Variants in ZNF516 observed in about 807,000 individuals in gnomAD.
The protein encoded by ZNF516 is zinc finger protein 516.
A neutral mutation model predicts 79.7 loss-of-function variants in ZNF516; 19 were observed. The ratio of observed to expected loss-of-function variants is 0.24; its 90% CI spans 0.17 to 0.35. The LOEUF (loss-of-function observed/expected upper bound fraction) is 0.35, where lower values mean the gene tolerates loss of function less well. Among genes scored for constraint, ZNF516 ranks in the 10% least tolerant of loss-of-function variants. The pLI is 1.00. For synonymous variants in ZNF516, 877 were observed against 739.5 expected, an observed-to-expected ratio of 1.19 and a Z score of -3.02; for missense variants, 1,678 against 1,679.5, an observed-to-expected ratio of 1.00 and a Z score of 0.02.
chr18:76,369,257 A>G (rs1419558056), intron 6 of ZNF516, among the ~76,000 whole-genome samples: 3 of 152,308 alleles, frequency 2.0e-5, no homozygotes, highest in Admixed American at 2.0e-4. Flanking sequence ...TGTTTTACTT[A>G]CTTATTTCGT....
chr18:76,462,693 T>A (rs1342538233), intron 2 of ZNF516, among the ~76,000 whole-genome samples: 1 of 152,094 alleles, frequency 6.6e-6, no homozygotes, highest in Non-Finnish European at 1.5e-5. Context: ...CTCGAGCCAA[T>A]AGTTTTCCAG....
chr18:76,387,103 G>C (rs73974456), intron 3 of ZNF516: 1 of 152,350 alleles, frequency 6.6e-6, no homozygotes, highest in Non-Finnish European at 1.5e-5. Context: ...CGTCATCCAT[G>C]TGGACTCTGC....
chr18:76,450,607 T>C (rs1354422546), intron 2 of ZNF516, among the ~76,000 whole-genome samples: 2 of 152,140 alleles, frequency 1.3e-5, no homozygotes, highest in Non-Finnish European at 2.9e-5. Flanking sequence ...ACACGAACTC[T>C]CCCGAACATC....
chr18:76,380,481 G>C (rs537853635), intron 3 of ZNF516, among the ~76,000 whole-genome samples, 178 bp from the exon 4 acceptor site: 3 of 152,192 alleles, frequency 2.0e-5, no homozygotes, highest in African/African-American at 7.2e-5. Flanking sequence ...AGAACAAAAG[G>C]GGGTGAGTCA....
chr18:76,435,141 G>A (rs1409920688), intron 3 of ZNF516, among the ~76,000 whole-genome samples: 2 of 151,838 alleles, frequency 1.3e-5, no homozygotes, highest in Admixed American at 6.6e-5. Context: ...AGTTAAAAGA[G>A]AGAGAGAAGA....
chr18:76,473,355 C>CAAAAAAAA (rs35092154), intron 1 of ZNF516, among the ~76,000 whole-genome samples: 2 of 87,674 alleles, frequency 2.3e-5, no homozygotes, highest in Non-Finnish European at 4.3e-5. Context: ...TTGCTCTCTG[C>CAAAAAAAA]AAAAAAAAAA....
At chr18:76,368,268 A>G (rs946370151) in intron 6 of ZNF516, among the ~76,000 whole-genome samples, 6 of 152,118 alleles carry the variant, frequency 3.9e-5, no homozygotes, top group Non-Finnish European at 8.8e-5. Flanking sequence ...CTACCCAACA[A>G]ATCTCTATAG....
At chr18:76,390,385 G>GGTTTA (rs2075053629) in intron 3 of ZNF516, among the ~76,000 whole-genome samples, 1 of 152,198 alleles carries the variant, frequency 6.6e-6, no homozygotes, top group Admixed American at 6.5e-5. Context: ...CCTGTGTCAG[G>GGTTTA]GTTTACACCA....
chr18:76,410,365 G>T (rs1243266282), intron 3 of ZNF516, among the ~76,000 whole-genome samples: 1 of 152,340 alleles, frequency 6.6e-6, no homozygotes, highest in Non-Finnish European at 1.5e-5. Context: ...AAGGTCTCAA[G>T]AAGCGGTTTT....
chr18:76,397,835 G>C (rs983554948), intron 3 of ZNF516, among the ~76,000 whole-genome samples: 1 of 152,170 alleles, frequency 6.6e-6, no homozygotes, highest in Non-Finnish European at 1.5e-5. Context: ...CTGGGCTCAA[G>C]TGATCCTCCC....
chr18:76,428,819 G>A (rs1049286539), intron 3 of ZNF516, among the ~76,000 whole-genome samples: 7 of 152,226 alleles, frequency 4.6e-5, no homozygotes, highest in Non-Finnish European at 1.5e-5. Flanking sequence ...CCTCACCATC[G>A]GGATTTCTTT....
At chr18:76,413,431 A>G (rs778581522) in intron 3 of ZNF516, among the ~76,000 whole-genome samples, 16 of 152,164 alleles carry the variant, frequency 1.1e-4, no homozygotes, top group African/African-American at 1.4e-4. Flanking sequence ...TGTTCAATCA[A>G]TCAATCGATA....
rs1231035833 is a variant in ZNF516, at chr18:76,370,549, G to A, written c.3411C>T (p.Thr1137=). 6 of 1,608,368 alleles carry A rather than the reference G, an allele frequency of 3.7e-6. No homozygotes were observed. The highest frequency in any genetic ancestry group is 1.3e-5 in the African/African-American group (1 of 74,780). Residue 1137 remains threonine (T), a synonymous_variant, in exon 6 of 7, where the codon ACC becomes ACT. Coordinates refer to ENST00000443185, the MANE Select transcript of ZNF516 (RefSeq NM_014643.4). ...DGPRGSEVHT[T]SADAPKQGRD... ...CTACTTGTTTGGGGGCGTCTGCGGA[G>A]GTGGTATGAACTTCAGAACCCCGAG... is the stretch of plus-strand genomic sequence containing the variant.
rs777545872 is a variant in ZNF516, at chr18:76,492,988, TCA to T, written c.-272+2154_-272+2155del. 5.8e-5 allele frequency: 57 copies of T among 985,324 alleles called. 1 individual carries two copies. Among genetic ancestry groups the T allele is most frequent in the African/African-American group, 4.2e-4 (24 of 57,204 alleles). 61.0% of individuals were successfully genotyped at this position (985,324 alleles called of 1,614,324 possible). A position where few individuals can be genotyped will look rare whatever the true frequency, so the allele number is the denominator to read the frequency against. ...GGCTCATGCACGCGCACGCGCGCGCTCACACACACACCCCAAATTACCTCCGG... is the reference window on the plus strand; with the variant it reads ...GGCTCATGCACGCGCACGCGCGCGCTCACACACACCCCAAATTACCTCCGG... On this transcript the variant is annotated intron_variant, in intron 1 of 6. Coordinates refer to ENST00000443185, the MANE Select transcript of ZNF516 (RefSeq NM_014643.4).
At chr18:76,408,078 T>C (rs2075325897) in intron 3 of ZNF516, among the ~76,000 whole-genome samples, 2 of 152,106 alleles carry the variant, frequency 1.3e-5, no homozygotes, top group Admixed American at 6.5e-5. Context: ...TCCCATATGG[T>C]TCATGGGATG....
In ZNF516 at chr18:76,371,643, G is replaced by C; in HGVS notation, c.3260-72C>G. 2 of 1,261,104 alleles carry C rather than the reference G, an allele frequency of 1.6e-6. No homozygotes were observed. Among genetic ancestry groups the C allele is most frequent in the Non-Finnish European group, 2.3e-6 (2 of 884,970 alleles). 78.1% of individuals were successfully genotyped at this position (1,261,104 alleles called of 1,614,324 possible). On this transcript the variant is annotated intron_variant, in intron 4 of 6. Coordinates refer to ENST00000443185, the MANE Select transcript of ZNF516 (RefSeq NM_014643.4). Reference sequence around the variant, plus strand: ...CGTGGAGGTGAGGAGGCAGGAGAGCGAGGGGGAAGCGAGAGGAAAACATCA... The same window carrying C: ...CGTGGAGGTGAGGAGGCAGGAGAGCCAGGGGGAAGCGAGAGGAAAACATCA...
chr18:76,382,273 A>T (rs1458924929), intron 3 of ZNF516, among the ~76,000 whole-genome samples: 1 of 152,216 alleles, frequency 6.6e-6, no homozygotes, highest in Non-Finnish European at 1.5e-5. Flanking sequence ...ACGGATAAAA[A>T]CATGGAATTA....
chr18:76,378,804 G>A (rs2074832955), intron 4 of ZNF516, 51 bp downstream of exon 4: 1 of 1,572,596 alleles, frequency 6.4e-7, no homozygotes, highest in Non-Finnish European at 8.6e-7. Context: ...CTCCGGGGGT[G>A]GTTCTGGGGG....
intron 3 of ZNF516, among the ~76,000 whole-genome samples, chr18:76,402,033 G>C (rs981141920): frequency 6.6e-6 from 1 of 152,020 alleles, no homozygotes; most frequent in African/African-American, 2.4e-5. Flanking sequence ...GTGCGCGCAT[G>C]TGTGCACGTG....
Sources: gnomAD v4.1 joint callset for allele counts (sites outside exome capture counted in the v4.1 genomes callset) on GRCh38, gnomAD v4.1.1 for gene constraint, MANE v1.5 for transcripts, NCBI Gene and HGNC (gene_info 2026-07-23, HGNC 2026-07-21) for gene names.